DACH1: variants seen among roughly 807,000 people sequenced by gnomAD.
DACH1 encodes dachshund homolog 1.
Under a neutral mutation model 54.2 loss-of-function variants are expected in DACH1, and 12 were observed. That is an observed-to-expected ratio of 0.22 (90% CI 0.14 to 0.36). The LOEUF is 0.36. Among genes scored for constraint, DACH1 ranks in the 10% least tolerant of loss-of-function variants. The probability of loss-of-function intolerance (pLI) is 1.00; values close to 1 mark genes in which losing one functional copy is unlikely to be tolerated. For synonymous variants in DACH1, 386 were observed against 366.2 expected (o/e 1.05, Z -0.62); for missense variants, 805 against 929.8 (o/e 0.87, Z 1.75).
At chr13:71,547,567 G>C (rs184354984) in intron 6 of DACH1, among the ~76,000 whole-genome samples, 72 of 152,168 alleles carry the variant, frequency 4.7e-4, no homozygotes, top group African/African-American at 1.5e-3. Flanking sequence ...GTTATACACA[G>C]AAGTTATCAC....
intron 1 of DACH1, among the ~76,000 whole-genome samples, chr13:71,744,756 C>T (rs1389555134): frequency 1.3e-5 from 2 of 152,074 alleles, no homozygotes; most frequent in African/African-American, 4.8e-5. Context: ...TTATGAGAAT[C>T]CATACAAAAA....
intron 3 of DACH1, among the ~76,000 whole-genome samples, chr13:71,623,419 G>A (rs918697765): frequency 2.0e-5 from 3 of 151,168 alleles, no homozygotes; most frequent in Non-Finnish European, 4.4e-5. Context: ...CTCTTATTTA[G>A]CCTCTTCCAA....
At chr13:71,719,611 A>G (rs1288577711) in intron 1 of DACH1, among the ~76,000 whole-genome samples, 3 of 152,240 alleles carry the variant, frequency 2.0e-5, no homozygotes, top group East Asian at 3.9e-4. Flanking sequence ...TCTTTCCATC[A>G]AAAACAGATT....
intron 1 of DACH1, among the ~76,000 whole-genome samples, chr13:71,780,005 G>GAATGAAT (rs1555322177): frequency 1.3e-3 from 197 of 149,962 alleles, no homozygotes; most frequent in African/African-American, 3.8e-3. Flanking sequence ...TATGAAGGAA[G>GAATGAAT]GAATGAATGA....
intron 3 of DACH1, among the ~76,000 whole-genome samples, chr13:71,582,675 G>A (rs1366908026): frequency 6.6e-6 from 1 of 152,098 alleles, no homozygotes; most frequent in African/African-American, 2.4e-5. Flanking sequence ...TTATAGGGTA[G>A]ATTACATGCA....
intron 1 of DACH1, among the ~76,000 whole-genome samples, chr13:71,752,677 G>A (rs1375357865): frequency 1.3e-5 from 2 of 152,034 alleles, no homozygotes; most frequent in East Asian, 3.9e-4. Flanking sequence ...AAGAAAACAT[G>A]ACATTCTACT....
chr13:71,845,840 G>A (rs551312165), intron 1 of DACH1: 1 of 152,260 alleles, frequency 6.6e-6, no homozygotes, highest in Admixed American at 6.5e-5. Flanking sequence ...TATCTTATAA[G>A]CAAATTATGA....
intron 6 of DACH1, among the ~76,000 whole-genome samples, chr13:71,491,805 G>A (rs1260857476): frequency 1.3e-5 from 2 of 152,088 alleles, no homozygotes; most frequent in African/African-American, 2.4e-5. Context: ...GTAATATTGG[G>A]ACCATGGTTC....
chr13:71,584,642 T>G (rs966275413), intron 3 of DACH1, among the ~76,000 whole-genome samples: 1 of 152,158 alleles, frequency 6.6e-6, no homozygotes, highest in Admixed American at 6.5e-5. Flanking sequence ...AACAGTTCTC[T>G]ACTGAACTGT....
rs1017451583 is a variant in DACH1, at chr13:71,533,096, T to TA, written c.1570+23927dup. ...TGGTCAGGAAAATTGTTTTAAGACT[T>TA]AAAAAAAAAACAAATCAGGAGAGAT... On this transcript the variant is annotated intron_variant, in intron 6 of 10. Coordinates refer to ENST00000613252, the MANE Select transcript of DACH1 (RefSeq NM_080759.6). 7.3e-3 allele frequency among the ~76,000 whole-genome samples: 1,071 copies of TA among 146,144 alleles called. 17 individuals are homozygous for TA. The highest frequency in any genetic ancestry group is 0.024 in the African/African-American group (956 of 39,884).
chr13:71,666,443 T>C (rs1172896620), intron 2 of DACH1, among the ~76,000 whole-genome samples: 1 of 152,214 alleles, frequency 6.6e-6, no homozygotes, highest in African/African-American at 2.4e-5. Flanking sequence ...GTGAGAATTA[T>C]AAATTTGAAT....
At chr13:71,744,871 T>G (rs1884542263) in intron 1 of DACH1, among the ~76,000 whole-genome samples, 1 of 152,214 alleles carries the variant, frequency 6.6e-6, no homozygotes, top group African/African-American at 2.4e-5. Context: ...TTCTACCAGT[T>G]TTGTCTTGGG....
rs776810335 is a variant in DACH1, at chr13:71,651,672, ATCTG to A, written c.965-20959_965-20956del. On this transcript the variant is annotated intron_variant, in intron 2 of 10. Coordinates refer to ENST00000613252, the MANE Select transcript of DACH1 (RefSeq NM_080759.6). Reference sequence around the variant, plus strand: ...TGCATGTATATGTATCTGTATCTGTATCTGTATCTGTATATGTATATGTATATGT... The same window carrying A: ...TGCATGTATATGTATCTGTATCTGTATATCTGTATATGTATATGTATATGT... 9.3e-3 allele frequency among the ~76,000 whole-genome samples: 1,286 copies of A among 137,548 alleles called. 13 individuals carry two copies. Among genetic ancestry groups the A allele is most frequent in the African/African-American group, 0.028 (939 of 33,910 alleles). The allele number at this position is 137,548 out of a possible 152,430, so 90.2% of individuals were successfully genotyped here.
intron 1 of DACH1, among the ~76,000 whole-genome samples, chr13:71,771,218 T>C (rs1286914421): frequency 6.6e-6 from 1 of 150,950 alleles, no homozygotes; most frequent in Non-Finnish European, 1.5e-5. Flanking sequence ...TAGCTCTTGG[T>C]TTAGTCAATA....
At chr13:71,453,120 TTTGCACTTAGG>T (rs1215805248) in intron 10 of DACH1, among the ~76,000 whole-genome samples, 2 of 152,174 alleles carry the variant, frequency 1.3e-5, no homozygotes, top group Non-Finnish European at 2.9e-5. Flanking sequence ...AATGGGGTAC[TTTGCACTTAGG>T]TTACCTTGTC....
intron 1 of DACH1, among the ~76,000 whole-genome samples, chr13:71,696,642 G>T (rs758812238): frequency 6.6e-5 from 10 of 151,910 alleles, no homozygotes; most frequent in Middle Eastern, 3.4e-3. Context: ...CTGCCTCACA[G>T]GTTCAAGTGA....
intron 6 of DACH1, among the ~76,000 whole-genome samples, chr13:71,548,127 T>A (rs1156396365): frequency 6.6e-6 from 1 of 152,208 alleles, no homozygotes; most frequent in Non-Finnish European, 1.5e-5. Context: ...TTTCTCTTTT[T>A]AAAAATTTAG....
intron 2 of DACH1, among the ~76,000 whole-genome samples, chr13:71,648,890 C>G (rs565564683): frequency 1.1e-4 from 17 of 152,248 alleles, no homozygotes; most frequent in African/African-American, 4.1e-4. Context: ...GAAGGAGATG[C>G]CACTACTTGT....
chr13:71,615,289 C>T (rs1203150311), intron 3 of DACH1, among the ~76,000 whole-genome samples: 1 of 152,106 alleles, frequency 6.6e-6, no homozygotes, highest in East Asian at 1.9e-4. Context: ...GTTATTTTAT[C>T]TATCAATAGT....
Sources: allele counts gnomAD v4.1 joint callset (sites outside exome capture counted in the v4.1 genomes callset), GRCh38; gene constraint gnomAD v4.1.1; transcripts MANE v1.5; gene names NCBI Gene and HGNC (gene_info 2026-07-23, HGNC 2026-07-21).